LCAT: variants seen among roughly 807,000 people sequenced by gnomAD.
LCAT encodes the protein lecithin-cholesterol acyltransferase.
A neutral mutation model predicts 41.0 loss-of-function variants in LCAT; 15 were observed. The ratio of observed to expected loss-of-function variants is 0.37; its 90% CI spans 0.24 to 0.56. LCAT has a LOEUF of 0.56. Ranked by LOEUF, LCAT falls within the 20% of genes least tolerant of loss-of-function variation. The pLI is 0.81. For synonymous variants in LCAT, 248 were observed against 245.4 expected, an observed-to-expected ratio of 1.01 and a Z score of -0.10; for missense variants, 449 against 595.1, an observed-to-expected ratio of 0.75 and a Z score of 2.55.
chr16:67,941,787 C>A, intron 5 of LCAT: 1 of 1,026,570 alleles, frequency 9.7e-7, no homozygotes, highest in Non-Finnish European at 1.2e-6. Flanking sequence ...CAGAGTTGTG[C>A]TCCAGAAAGG....
intron 5 of LCAT, chr16:67,941,674 G>C: frequency 1.0e-6 from 1 of 991,662 alleles, no homozygotes; most frequent in Non-Finnish European, 1.2e-6. Flanking sequence ...GGGATGGTGG[G>C]TGAGGCCCAG....
At chr16:67,941,484 G>T in intron 5 of LCAT, 1 of 229,600 alleles carries the variant, frequency 4.4e-6, no homozygotes, top group Non-Finnish European at 7.2e-6. Context: ...AATTAGGTGT[G>T]GTGTTGTGTG....
chr16:67,942,251 G>A lies in LCAT; in HGVS notation c.748+112C>T. On this transcript the variant is annotated intron_variant, in intron 5 of 5. Coordinates refer to ENST00000264005, the MANE Select transcript of LCAT (RefSeq NM_000229.2). The surrounding 1 kb of genome is among the most constrained non-coding windows in gnomAD (Gnocchi z 6.6). The stretch of plus-strand genomic sequence containing the variant: ...TGACAGCAAGCATGCCAGCCCAGGA[G>A]TGGTAGATAGCACCCCTAGAGGCCA... 7.6e-7 allele frequency: 1 copy of A among 1,312,270 alleles called. No homozygotes were observed. The highest frequency in any genetic ancestry group is 1.1e-6 in the Non-Finnish European group (1 of 930,978). 81.3% of individuals were successfully genotyped at this position (1,312,270 alleles called of 1,614,324 possible).
rs1380830894 is a variant in LCAT at position 67,943,222 on chromosome 16, G to A, written c.155-10C>T. ...CCCAGGCAGCCGGGCACTGTGAGCA[G>A]CAGCCCTCACTCTGGACTCTGGATT... On this transcript the variant is annotated splice_polypyrimidine_tract_variant and intron_variant, in intron 1 of 5. Coordinates refer to ENST00000264005, the MANE Select transcript of LCAT (RefSeq NM_000229.2). The surrounding 1 kb of genome is among the most constrained non-coding windows in gnomAD (Gnocchi z 4.6). 1 of 1,612,352 alleles carries A rather than the reference G, an allele frequency of 6.2e-7. No homozygotes were observed. Among genetic ancestry groups the A allele is most frequent in the Non-Finnish European group, 8.5e-7 (1 of 1,179,916 alleles).
In LCAT at chr16:67,940,157, T is replaced by A; in HGVS notation, c.1070A>T (p.Tyr357Phe). The change falls in exon 6 of 6, where the codon TAC (tyrosine) becomes TTC (phenylalanine). Residue 357 changes from tyrosine to phenylalanine, a missense_variant. By Grantham distance (22) the Tyr-to-Phe change is conservative. Coordinates refer to ENST00000264005, the MANE Select transcript of LCAT (RefSeq NM_000229.2). ...ATAGAGCACACCCACAGGGTCCGTG[T>A]AGGGGAAGCCGTGGTCGTAGATGTA... is the stretch of plus-strand genomic sequence containing the variant. ...RTYIYDHGFP[Y>F]TDPVGVLYED... 1 of 1,613,630 alleles carries A rather than the reference T, an allele frequency of 6.2e-7. No homozygotes were observed. The highest frequency in any genetic ancestry group is 1.1e-5 in the South Asian group (1 of 91,086).
At position 67,942,779 on chromosome 16, in the gene LCAT, C is replaced by T; in HGVS notation, c.428-13G>A. On this transcript the variant is annotated splice_polypyrimidine_tract_variant and intron_variant, in intron 3 of 5. Transcript: ENST00000264005. This position sits in a 1 kb window ranked among gnomAD's most constrained non-coding sequence, Gnocchi z 6.6. The stretch of plus-strand genomic sequence containing the variant: ...GTGTGCAGGTACCCTGTGGGGGGAC[C>T]AGCAGCACCGGGGGCTTGGGCCATG... The T allele has an allele frequency of 6.2e-7, 1 of 1,612,888 alleles. No individual in the cohort carries two copies. The highest frequency in any genetic ancestry group is 8.5e-7 in the Non-Finnish European group (1 of 1,179,884).
intron 5 of LCAT, chr16:67,941,831 G>T: frequency 9.6e-7 from 1 of 1,045,932 alleles, no homozygotes; most frequent in South Asian, 3.4e-5. Context: ...GATGTTTATT[G>T]GTGGTGTCTG....
In LCAT at chr16:67,939,850, C is replaced by A; in HGVS notation, c.*54G>T. ...GAAACCTAGTGTGGGACTCTAGTGC[C>A]TCCCTTCAACCTGAAACATAGCCAT... On this transcript the variant is annotated 3_prime_UTR_variant, in exon 6 of 6. Transcript: ENST00000264005. 1 of 1,580,810 alleles carries A rather than the reference C, an allele frequency of 6.3e-7. No homozygotes were observed. The highest frequency in any genetic ancestry group is 8.6e-7 in the Non-Finnish European group (1 of 1,161,138).
At position 67,942,949 on chromosome 16, in the gene LCAT, G is replaced by A. The variant is rs770299772; in HGVS notation, c.339C>T (p.Leu113=). The change falls in exon 3 of 6, where the codon CTC becomes CTT. Residue 113 remains leucine, a synonymous_variant. Coordinates refer to ENST00000264005, the MANE Select transcript of LCAT (RefSeq NM_000229.2). This position sits in a 1 kb window ranked among gnomAD's most constrained non-coding sequence, Gnocchi z 6.6. ...TRVVYNRSSG[L]VSNAPGVQIR... is the part of the protein sequence containing the mutation. Reference sequence around the variant, plus strand: ...TCTGGACACCAGGGGCGTTGGACACGAGCCCAGAGCTCCGGTTGTAGACAA... The same window carrying A: ...TCTGGACACCAGGGGCGTTGGACACAAGCCCAGAGCTCCGGTTGTAGACAA... 2.8e-5 allele frequency: 45 copies of A among 1,613,738 alleles called. No individual in the cohort carries two copies. Among genetic ancestry groups the A allele is most frequent in the East Asian group, 4.5e-5 (2 of 44,896 alleles).
Position 67,942,632 on chromosome 16 carries a change from C to G in LCAT, c.523+39G>C. 1 of 1,611,736 alleles carries G rather than the reference C, an allele frequency of 6.2e-7. No homozygotes were observed. Among genetic ancestry groups the G allele is most frequent in the East Asian group, 2.2e-5 (1 of 44,884 alleles). The stretch of plus-strand genomic sequence containing the variant: ...TCAGGGCAGCTGGGGTCTGGGGCAC[C>G]TGCCCCACCCCAAGCCGGTCATCCG... On this transcript the variant is annotated intron_variant, in intron 4 of 5. Transcript: ENST00000264005. This position sits in a 1 kb window ranked among gnomAD's most constrained non-coding sequence, Gnocchi z 6.6.
Position 67,943,713 on chromosome 16 carries a change from AC to A in LCAT, c.154+234del, listed in dbSNP as rs2058308213. 1 of 558,702 alleles carries A rather than the reference AC, an allele frequency of 1.8e-6. No homozygotes were observed. Among genetic ancestry groups the A allele is most frequent in the South Asian group, 2.4e-5 (1 of 41,196 alleles). 34.6% of individuals were successfully genotyped at this position (558,702 alleles called of 1,614,324 possible). A position where few individuals can be genotyped will look rare whatever the true frequency, so the allele number is the denominator to read the frequency against. On this transcript the variant is annotated intron_variant, in intron 1 of 5. Transcript: ENST00000264005. This position sits in a 1 kb window ranked among gnomAD's most constrained non-coding sequence, Gnocchi z 4.6. ...ATGCCCCAGCCAAGACCTCAGGCAC[AC>A]CCCGTCCCCCACTCCGCCCCCCCTG...
rs1394758775 is a variant in LCAT, at chr16:67,944,089, C to T, written c.13G>A (p.Gly5Ser). Reference sequence around the variant, plus strand: ...AGCGTCACCCACTGCCATGGGGAGCCGGGCGGCCCCATTCCAGCCCTGGTG... The same window carrying T: ...AGCGTCACCCACTGCCATGGGGAGCTGGGCGGCCCCATTCCAGCCCTGGTG... MGPPGSPWQWVTLLL... is the reference protein window; with the variant it reads MGPPSSPWQWVTLLL... Residue 5 changes from glycine to serine, a missense_variant, in exon 1 of 6, where the codon GGC becomes AGC. Transcript: ENST00000264005. This position sits in a 1 kb window ranked among gnomAD's most constrained non-coding sequence, Gnocchi z 6.6. 110 of 1,547,802 alleles carry T rather than the reference C, an allele frequency of 7.1e-5. No homozygotes were observed. The highest frequency in any genetic ancestry group is 8.8e-5 in the Non-Finnish European group (101 of 1,146,214).
At chr16:67,941,819 T>G in intron 5 of LCAT, 1 of 1,035,768 alleles carries the variant, frequency 9.7e-7, no homozygotes, top group Non-Finnish European at 1.2e-6. Flanking sequence ...TGGTGTCTGT[T>G]TGATGTTTAT....
chr16:67,942,293 C>T lies in LCAT; in HGVS notation c.748+70G>A. The T allele has an allele frequency of 1.3e-6, 2 of 1,523,816 alleles. No individual in the cohort carries two copies. The highest frequency in any genetic ancestry group is 1.8e-6 in the Non-Finnish European group (2 of 1,104,480). 94.4% of individuals were successfully genotyped at this position (1,523,816 alleles called of 1,614,324 possible). A position where few individuals can be genotyped will look rare whatever the true frequency, so the allele number is the denominator to read the frequency against. ...TAGAGGCCACTGTGAGCAGGAGCCG[C>T]AATGAAGGCAGGCCCAGGATCAGCT... On this transcript the variant is annotated intron_variant, in intron 5 of 5. Coordinates refer to ENST00000264005, the MANE Select transcript of LCAT (RefSeq NM_000229.2). The surrounding 1 kb of genome is among the most constrained non-coding windows in gnomAD (Gnocchi z 6.6).
In LCAT at chr16:67,942,317, C is replaced by G. The variant is rs2058295584; in HGVS notation, c.748+46G>C. The stretch of plus-strand genomic sequence containing the variant: ...GCAATGAAGGCAGGCCCAGGATCAG[C>G]TTGGTCTCACCCATCGCTGGACCTA... On this transcript the variant is annotated intron_variant, in intron 5 of 5. Transcript: ENST00000264005. This position sits in a 1 kb window ranked among gnomAD's most constrained non-coding sequence, Gnocchi z 6.6. The G allele has an allele frequency of 6.3e-7, 1 of 1,591,190 alleles. No homozygotes were observed. The highest frequency in any genetic ancestry group is 8.6e-7 in the Non-Finnish European group (1 of 1,160,722).
intron 5 of LCAT, 121 bp from the exon 6 acceptor site, chr16:67,940,599 C>T (rs1196706820): frequency 2.2e-5 from 32 of 1,487,976 alleles, no homozygotes; most frequent in South Asian, 7.5e-5. Flanking sequence ...GACACAGACT[C>T]TAAGCCACAG....
chr16:67,940,639 TCA>T (rs1433373322), intron 5 of LCAT, 161 bp from the exon 6 acceptor site: 9 of 1,227,126 alleles, frequency 7.3e-6, no homozygotes, highest in Non-Finnish European at 8.9e-6. Context: ...TCAATGATGC[TCA>T]GTGTCAGCTT....
Position 67,942,271 on chromosome 16 carries a change from A to ACT in LCAT, c.748+91_748+92insAG. ...CAGGAGTGGTAGATAGCACCCCTAG[A>ACT]GGCCACTGTGAGCAGGAGCCGCAAT... On this transcript the variant is annotated intron_variant, in intron 5 of 5. Transcript: ENST00000264005. The surrounding 1 kb of genome is among the most constrained non-coding windows in gnomAD (Gnocchi z 6.6). The ACT allele has an allele frequency of 7.1e-7, 1 of 1,399,260 alleles. No individual in the cohort carries two copies. Among genetic ancestry groups the ACT allele is most frequent in the Non-Finnish European group, 1.0e-6 (1 of 1,001,232 alleles). The allele number at this position is 1,399,260 out of a possible 1,614,324, so 86.7% of individuals were successfully genotyped here. A position where few individuals can be genotyped will look rare whatever the true frequency, so the allele number is the denominator to read the frequency against.
Position 67,942,114 on chromosome 16 carries a change from C to T in LCAT, c.748+249G>A. 7.1e-7 allele frequency: 1 copy of T among 1,400,180 alleles called. No homozygotes were observed. Among genetic ancestry groups the T allele is most frequent in the South Asian group, 1.4e-5 (1 of 69,046 alleles). The allele number at this position is 1,400,180 out of a possible 1,614,324, so 86.7% of individuals were successfully genotyped here. A position where few individuals can be genotyped will look rare whatever the true frequency, so the allele number is the denominator to read the frequency against. ...GGGCTACAAGAACAAACCCTGGGAG[C>T]AGATAGCTGGGATTCACTTTCTGTG... On this transcript the variant is annotated intron_variant, in intron 5 of 5. Coordinates refer to ENST00000264005, the MANE Select transcript of LCAT (RefSeq NM_000229.2). The surrounding 1 kb of genome is among the most constrained non-coding windows in gnomAD (Gnocchi z 6.6).
Sources: allele counts gnomAD v4.1 joint callset, GRCh38; gene constraint gnomAD v4.1.1; non-coding constraint Gnocchi (gnomAD v3.1); transcripts MANE v1.5; gene names NCBI Gene and HGNC (gene_info 2026-07-23, HGNC 2026-07-21).